Variants in CYP19A1 observed in about 807,000 individuals in gnomAD.
The protein encoded by CYP19A1 is cytochrome P450 family 19 subfamily A member 1, also known as aromatase.
In CYP19A1, 32 loss-of-function variants were observed where a neutral mutation model predicts 44.4. The observed-to-expected ratio is 0.72, with a 90% confidence interval of 0.54 to 0.97. The LOEUF is 0.97. Ranked by LOEUF, CYP19A1 falls within the 50% of genes least tolerant of loss-of-function variation. The probability of loss-of-function intolerance (pLI) is 0.00; values close to 1 mark genes in which losing one functional copy is unlikely to be tolerated. For missense variants in CYP19A1, 598 were observed against 637.8 expected, an observed-to-expected ratio of 0.94 and a Z score of 0.67; for synonymous variants, 212 against 215.6, an observed-to-expected ratio of 0.98 and a Z score of 0.14.
rs149185183 is a variant in CYP19A1, at chr15:51,306,239, G to C, written c.-39+32256C>G. On this transcript the variant is annotated intron_variant, in intron 1 of 9. Coordinates refer to ENST00000396402, the MANE Select transcript of CYP19A1 (RefSeq NM_000103.4). Reference sequence around the variant, plus strand: ...ACAGAGGTGAGGTGTACACACTCGGGTACACACAAGCACTGCCATTTTGTG... The same window carrying C: ...ACAGAGGTGAGGTGTACACACTCGGCTACACACAAGCACTGCCATTTTGTG... Among the ~76,000 whole-genome samples, 81 of 152,250 alleles carry C rather than the reference G, an allele frequency of 5.3e-4. 2 individuals are homozygous for C. In the East Asian group the frequency reaches 0.015, roughly 28 times the overall value.
intron 5 of CYP19A1, among the ~76,000 whole-genome samples, chr15:51,219,586 G>A (rs1036591025): frequency 2.0e-4 from 30 of 152,166 alleles, no homozygotes; most frequent in African/African-American, 7.0e-4. Flanking sequence ...CCTGAGGCTG[G>A]AGCTGCTTCT....
chr15:51,302,986 G>A (rs1365544573), intron 1 of CYP19A1, among the ~76,000 whole-genome samples: 2 of 152,310 alleles, frequency 1.3e-5, no homozygotes, highest in East Asian at 3.9e-4. Flanking sequence ...GCTCAGGCTG[G>A]GAGTCTGCTT....
rs762147792 is a variant in CYP19A1 at position 51,218,579 on chromosome 15, AAAG to A, written c.702_704del (p.Phe235del). On this transcript the variant is annotated inframe_deletion, in exon 6 of 10. Transcript: ENST00000396402. The stretch of plus-strand genomic sequence containing the variant: ...ACTTTTTGTATAGCCAAGAAATCTT[AAAG>A]AAGATGTCTGGTTTGATGAGGAGAG... 5.6e-6 allele frequency: 9 copies of A among 1,613,844 alleles called. No individual in the cohort carries two copies. Among genetic ancestry groups the A allele is most frequent in the African/African-American group, 1.3e-5 (1 of 75,048 alleles).
intron 1 of CYP19A1, among the ~76,000 whole-genome samples, chr15:51,284,346 C>T (rs2445753): frequency 0.095 from 14,446 of 152,174 alleles, 776 homozygotes; most frequent in African/African-American, 0.12. Context: ...TCAATGACCC[C>T]GACACTGGCC....
intron 1 of CYP19A1, among the ~76,000 whole-genome samples, chr15:51,265,736 A>T (rs763138214): frequency 2.0e-5 from 3 of 152,176 alleles, no homozygotes; most frequent in Non-Finnish European, 4.4e-5. Context: ...GCTCTAGAGG[A>T]ATCACATTAC....
chr15:51,303,082 G>A (rs2036148189), intron 1 of CYP19A1, among the ~76,000 whole-genome samples: 1 of 152,200 alleles, frequency 6.6e-6, no homozygotes, highest in African/African-American at 2.4e-5. Flanking sequence ...TCAGCCAACT[G>A]TCACTGGGGG....
chr15:51,247,299 TC>T (rs1411552294), intron 1 of CYP19A1, among the ~76,000 whole-genome samples: 1 of 152,040 alleles, frequency 6.6e-6, no homozygotes, highest in Non-Finnish European at 1.5e-5. Flanking sequence ...TGAAGGCACC[TC>T]CCCCTATTCC....
chr15:51,298,354 T>C (rs2036042187), intron 1 of CYP19A1, among the ~76,000 whole-genome samples: 1 of 152,258 alleles, frequency 6.6e-6, no homozygotes, highest in East Asian at 1.9e-4. Context: ...TTTAGTTTTA[T>C]GGAGCCCATG....
At position 51,209,530 on chromosome 15, in the gene CYP19A1, A is replaced by G. The variant is rs1291529099; in HGVS notation, c.*1278T>C. 2 of 152,526 alleles carry G rather than the reference A, an allele frequency of 1.3e-5. No individual in the cohort carries two copies. Among genetic ancestry groups the G allele is most frequent in the African/African-American group, 4.8e-5 (2 of 41,460 alleles). The allele number at this position is 152,526 out of a possible 1,614,324, so 9.4% of individuals were successfully genotyped here. ...TTTTTCAATGACATTCAGTAGAGAT[A>G]GTTATATTGGCTATATAACACAAGT... is the stretch of plus-strand genomic sequence containing the variant. On this transcript the variant is annotated 3_prime_UTR_variant, in exon 10 of 10. Transcript: ENST00000396402.
intron 3 of CYP19A1, among the ~76,000 whole-genome samples, chr15:51,233,669 TA>T (rs1241622430): frequency 6.6e-6 from 1 of 152,190 alleles, no homozygotes; most frequent in East Asian, 1.9e-4. Context: ...TAACCCTAAT[TA>T]GTATGTTAAT....
At chr15:51,279,413 G>T (rs1442011446) in intron 1 of CYP19A1, among the ~76,000 whole-genome samples, 1 of 152,178 alleles carries the variant, frequency 6.6e-6, no homozygotes, top group Non-Finnish European at 1.5e-5. Context: ...TGTCAGATTG[G>T]CATCAACCCC....
At chr15:51,315,092 T>C (rs2036397306) in intron 1 of CYP19A1, among the ~76,000 whole-genome samples, 1 of 152,066 alleles carries the variant, frequency 6.6e-6, no homozygotes, top group Non-Finnish European at 1.5e-5. Context: ...CTTCAAGCCC[T>C]TTATCTCACT....
intron 1 of CYP19A1, among the ~76,000 whole-genome samples, chr15:51,284,372 C>T (rs1566911445): frequency 6.6e-6 from 1 of 152,182 alleles, no homozygotes; most frequent in Non-Finnish European, 1.5e-5. Context: ...AAAAGGCTTC[C>T]ATGGGTATCA....
intron 1 of CYP19A1, among the ~76,000 whole-genome samples, chr15:51,305,645 C>G (rs562668705): frequency 6.6e-6 from 1 of 152,290 alleles, no homozygotes; most frequent in East Asian, 1.9e-4. Context: ...ACTGCAACCT[C>G]TGCCTCCTGG....
At chr15:51,243,037 TAC>T (rs904073087) in intron 1 of CYP19A1, 87 bp from the exon 2 acceptor site, 2 of 772,302 alleles carry the variant, frequency 2.6e-6, no homozygotes, top group Non-Finnish European at 4.7e-6. Flanking sequence ...TGCTGTACAG[TAC>T]AGATTCACTT....
intron 1 of CYP19A1, among the ~76,000 whole-genome samples, chr15:51,295,174 C>T (rs1300171691): frequency 6.9e-6 from 1 of 143,942 alleles, no homozygotes; most frequent in Non-Finnish European, 1.5e-5. Flanking sequence ...TGAGGTAGGA[C>T]ACAAAATATA....
At chr15:51,308,266 G>C (rs1302826968) in intron 1 of CYP19A1, among the ~76,000 whole-genome samples, 1 of 152,168 alleles carries the variant, frequency 6.6e-6, no homozygotes, top group Non-Finnish European at 1.5e-5. Context: ...TGGGAGAGTA[G>C]AAGGAATGAC....
intron 1 of CYP19A1, among the ~76,000 whole-genome samples, chr15:51,252,091 G>A (rs2034334321): frequency 6.6e-6 from 1 of 152,160 alleles, no homozygotes; most frequent in South Asian, 2.1e-4. Context: ...AGCCAGTGGT[G>A]CCTGTAGGCC....
intron 1 of CYP19A1, among the ~76,000 whole-genome samples, chr15:51,288,346 C>T (rs930610288): frequency 1.3e-5 from 2 of 152,058 alleles, no homozygotes; most frequent in Admixed American, 1.3e-4. Context: ...AGCAACTCAC[C>T]GCCCACCCCC....
Sources: gnomAD v4.1 joint callset for allele counts (sites outside exome capture counted in the v4.1 genomes callset) on GRCh38, gnomAD v4.1.1 for gene constraint, MANE v1.5 for transcripts, NCBI Gene and HGNC (gene_info 2026-07-23, HGNC 2026-07-21) for gene names.